The following COL5A3 variants were observed in gnomAD, a reference collection of about 807,000 sequenced individuals.
COL5A3 encodes the protein collagen alpha-3(V) chain.
Under a neutral mutation model 250.0 loss-of-function variants are expected in COL5A3, and 172 were observed. That is an observed-to-expected ratio of 0.69 (90% CI 0.61 to 0.78). The LOEUF (loss-of-function observed/expected upper bound fraction) is 0.78. COL5A3 is among the 30% of genes least tolerant of loss of function. COL5A3 has a pLI of 0.00. For synonymous variants in COL5A3, 937 were observed against 900.4 expected (o/e 1.04, Z -0.73); for missense variants, 2,340 against 2,334.4 (o/e 1.00, Z -0.05).
chr19:9,970,441 T>TGGAGTGAGTGGGGTCTGTG (rs1555734769), intron 54 of COL5A3, among the ~76,000 whole-genome samples, 181 bp downstream of exon 54: 2,789 of 18,550 alleles, frequency 0.15, 104 homozygotes, highest in Middle Eastern at 0.24. Flanking sequence ...GTGGGGTCTG[T>TGGAGTGAGTGGGGTCTGTG]GGGTGAGTGG....
chr19:9,979,947 C>G (rs536111082), intron 36 of COL5A3, 47 bp downstream of exon 36: 1 of 1,575,856 alleles, frequency 6.3e-7, no homozygotes, highest in Admixed American at 2.1e-5. Flanking sequence ...TCCTCCCTTC[C>G]CACATCCTCC....
At chr19:9,983,323 G>A (rs541644291) in intron 31 of COL5A3, among the ~76,000 whole-genome samples, 7 of 151,912 alleles carry the variant, frequency 4.6e-5, no homozygotes, top group African/African-American at 7.2e-5. Flanking sequence ...GCAGCATAGC[G>A]AGACCCTGTC....
At position 10,006,086 on chromosome 19, in the gene COL5A3, C is replaced by A. The variant is rs761303737; in HGVS notation, c.234G>T (p.Trp78Cys). 21 of 1,614,022 alleles carry A rather than the reference C, an allele frequency of 1.3e-5. No individual in the cohort carries two copies. The highest frequency in any genetic ancestry group is 1.7e-5 in the Non-Finnish European group (20 of 1,179,936). ...ACTCCAACTCACCTGGAAAGAGTTC[C>A]CACGTGGGGATGCCGAGCGTGCTGG... ...GQASTLGIPT[W>C]ELFPEGHFPE... The change falls in exon 2 of 67, where the codon TGG becomes TGT. Residue 78 changes from tryptophan to cysteine, a missense_variant. Trp to Cys is a radical substitution (Grantham distance 215). Around this residue, in one of 3 missense-constraint regions of COL5A3, gnomAD observed 1,152 missense variants for 1,146.3 expected, o/e 1.00. Transcript: ENST00000264828.
chr19:9,966,594 C>A lies in COL5A3; in HGVS notation c.4611G>T (p.Ala1537=). 6.5e-7 allele frequency: 1 copy of A among 1,541,008 alleles called. No homozygotes were observed. Residue 1537 remains alanine, a synonymous_variant, in exon 63 of 67, where the codon GCG becomes GCT. Coordinates refer to ENST00000264828, the MANE Select transcript of COL5A3 (RefSeq NM_015719.4). ...CGTGGCACACGAGGCCCGGGCGCTC[C>A]GCAGTGCCGGGAGGACGCCGCAGCT... ...LEQLRRPPGT[A]ERPGLVCHEL...
In COL5A3 at chr19:9,989,112, C is replaced by G; in HGVS notation, c.2145+12G>C. On this transcript the variant is annotated intron_variant, in intron 27 of 66. Coordinates refer to ENST00000264828, the MANE Select transcript of COL5A3 (RefSeq NM_015719.4). ...CTGGTAAATCACTCATACCTGCAAG[C>G]GTATCACCTACCTTCACTCCCCGAG... 6.2e-7 allele frequency: 1 copy of G among 1,613,788 alleles called. No homozygotes were observed. The highest frequency in any genetic ancestry group is 8.5e-7 in the Non-Finnish European group (1 of 1,179,706).
chr19:9,991,733 C>G (rs935337431), intron 23 of COL5A3, 55 bp downstream of exon 23: 12 of 1,598,306 alleles, frequency 7.5e-6, no homozygotes, highest in Non-Finnish European at 9.4e-6. Flanking sequence ...TGGTCACGGT[C>G]TAAGGTCTTA....
Position 9,966,438 on chromosome 19 carries a change from C to A in COL5A3, c.4670-12G>T. 1 of 1,586,550 alleles carries A rather than the reference C, an allele frequency of 6.3e-7. No homozygotes were observed. The highest frequency in any genetic ancestry group is 1.7e-5 in the Admixed American group (1 of 58,622). Reference sequence around the variant, plus strand: ...AATCCAGTATTCCCCTGCCGCAGAGCCAGGCAGGGTGGGTGAGTCCGGATG... The same window carrying A: ...AATCCAGTATTCCCCTGCCGCAGAGACAGGCAGGGTGGGTGAGTCCGGATG... On this transcript the variant is annotated splice_polypyrimidine_tract_variant and intron_variant, in intron 63 of 66. Coordinates refer to ENST00000264828, the MANE Select transcript of COL5A3 (RefSeq NM_015719.4).
At chr19:9,970,486 G>A (rs77539740) in intron 54 of COL5A3, 136 bp downstream of exon 54, 59 of 473,608 alleles carry the variant, frequency 1.2e-4, no homozygotes, top group Middle Eastern at 1.1e-3. Context: ...GGGGTGAGTG[G>A]GGGCTGTGGA....
chr19:9,969,384 C>A lies in COL5A3; in HGVS notation c.4117G>T (p.Gly1373Ter). The A allele has an allele frequency of 6.2e-7, 1 of 1,607,648 alleles. No homozygotes were observed. The highest frequency in any genetic ancestry group is 1.3e-5 in the African/African-American group (1 of 74,668). The change falls in exon 57 of 67, where the codon GGA (glycine) becomes TGA (stop). Residue 1373 changes from glycine (G) to a stop codon, truncating the protein, a stop_gained. Transcript: ENST00000264828. LOFTEE classifies it high-confidence loss of function. ...PGPVGEPGLLGAPGQMGPPGP... is the reference protein window; with the variant it reads ...PGPVGEPGLL ...GGAGGGCCCATCTGTCCAGGGGCTC[C>A]CAGGAGGCCTGGTTCACCCTGAGAA...
At chr19:10,010,205 CCTCCA>C in intron 1 of COL5A3, 88 bp downstream of exon 1, 4 of 839,140 alleles carry the variant, frequency 4.8e-6, no homozygotes, top group Non-Finnish European at 6.6e-6. Flanking sequence ...ACGCCCTTCC[CCTCCA>C]CGCCCCTCCA....
At chr19:9,971,162 G>A (rs113960860) in intron 52 of COL5A3, 43 bp downstream of exon 52, 2 of 1,506,562 alleles carry the variant, frequency 1.3e-6, no homozygotes, top group Admixed American at 4.8e-5. Flanking sequence ...GATGGGGACA[G>A]AATTAGGAAA....
At chr19:9,995,659 G>T in intron 15 of COL5A3, 42 bp from the exon 16 acceptor site, 1 of 1,446,524 alleles carries the variant, frequency 6.9e-7, no homozygotes, top group East Asian at 2.3e-5. Context: ...AAAATAAGAA[G>T]AAAGAGGGAC....
At chr19:9,999,469 C>T (rs984777141) in intron 8 of COL5A3, among the ~76,000 whole-genome samples, 20 of 120,380 alleles carry the variant, frequency 1.7e-4, no homozygotes, top group African/African-American at 2.7e-4. Flanking sequence ...TTTCTTTTTT[C>T]TTTTTTTTTT....
chr19:9,980,094 C>A (rs1209619297), intron 35 of COL5A3, 47 bp from the exon 36 acceptor site: 28 of 1,531,960 alleles, frequency 1.8e-5, no homozygotes, highest in Non-Finnish European at 2.5e-5. Flanking sequence ...TGCCTCCCTG[C>A]CCACTCCCTG....
At chr19:9,974,504 C>A in intron 45 of COL5A3, 96 bp from the exon 46 acceptor site, 2 of 920,282 alleles carry the variant, frequency 2.2e-6, no homozygotes, top group South Asian at 1.9e-5. Flanking sequence ...GGGTTGGAGT[C>A]AGGGTTCAGA....
intron 16 of COL5A3, among the ~76,000 whole-genome samples, chr19:9,995,096 C>T (rs1367764169): frequency 4.6e-5 from 7 of 151,948 alleles, no homozygotes; most frequent in Admixed American, 1.3e-4. Context: ...TTAGTAGAGA[C>T]GGGGTTTCCC....
chr19:9,993,238 C>A (rs913177044), intron 19 of COL5A3, 142 bp downstream of exon 19: 11 of 1,124,486 alleles, frequency 9.8e-6, no homozygotes, highest in African/African-American at 1.5e-5. Context: ...AATCCTAGAC[C>A]TGCAAGTCTC....
Position 9,966,180 on chromosome 19 carries a change from G to A in COL5A3, c.4782+134C>T, listed in dbSNP as rs2086742322. The A allele has an allele frequency of 4.3e-6, 3 of 702,058 alleles. No homozygotes were observed. The East Asian group carries it at 8.1e-5, about 19-fold the overall frequency. 43.5% of individuals were successfully genotyped at this position (702,058 alleles called of 1,614,324 possible). A position where few individuals can be genotyped will look rare whatever the true frequency, so the allele number is the denominator to read the frequency against. ...TGCTGTAGTCCCAGCTCTTGAGGCA[G>A]GACTTGGCATACAGTAAGTGCTCAA... On this transcript the variant is annotated intron_variant, in intron 64 of 66. Transcript: ENST00000264828.
chr19:9,996,735 A>G, intron 11 of COL5A3, 46 bp from the exon 12 acceptor site: 1 of 1,487,590 alleles, frequency 6.7e-7, no homozygotes, highest in East Asian at 2.3e-5. Flanking sequence ...GGAGAGAGGG[A>G]GAGAGAGAGC....
Sources: allele counts gnomAD v4.1 joint callset (sites outside exome capture counted in the v4.1 genomes callset), GRCh38; gene constraint gnomAD v4.1.1; regional missense constraint gnomAD v4.1.1; transcripts MANE v1.5; gene names NCBI Gene and HGNC (gene_info 2026-07-23, HGNC 2026-07-21).